Variants in GABRA3 observed in about 807,000 individuals in gnomAD.
GABRA3 encodes gamma-aminobutyric acid receptor subunit alpha-3.
Under a neutral mutation model 30.1 loss-of-function variants are expected in GABRA3, and 10 were observed. The observed-to-expected ratio is 0.33, with a 90% CI of 0.20 to 0.56. The LOEUF is 0.56. Among genes scored for constraint, GABRA3 ranks in the 20% least tolerant of loss-of-function variants. The pLI, the probability that GABRA3 is intolerant of heterozygous loss-of-function variation, is 0.89. For synonymous variants in GABRA3, 151 were observed against 146.8 expected (o/e 1.03, Z -0.21); for missense variants, 233 against 392.0 (o/e 0.59, Z 3.42).
At chrX:152,182,621 A>AGT (rs377167392) in intron 9 of GABRA3, among the ~76,000 whole-genome samples, 165 of 5,053 alleles carry the variant, frequency 0.033, 2 homozygotes, top group South Asian at 0.09. Context: ...ATGCATATAT[A>AGT]GTATATATAC....
At chrX:152,414,041 G>C (rs1042837159) in intron 1 of GABRA3, among the ~76,000 whole-genome samples, 1 of 111,144 alleles carries the variant, frequency 9.0e-6, no homozygotes, top group Non-Finnish European at 1.9e-5. Context: ...ATATTAAATG[G>C]TAAAAGCACT....
chrX:152,376,043 T>C (rs371533721), intron 1 of GABRA3, among the ~76,000 whole-genome samples: 1 of 112,102 alleles, frequency 8.9e-6, no homozygotes, highest in Non-Finnish European at 1.9e-5. Flanking sequence ...ATTAGAGCTG[T>C]CCTCAGGTTG....
intron 7 of GABRA3, among the ~76,000 whole-genome samples, chrX:152,205,589 T>C (rs1022187901): frequency 8.9e-6 from 1 of 111,931 alleles, no homozygotes; most frequent in African/African-American, 3.2e-5. Context: ...TTATCATCAT[T>C]GTCAACTATG....
In GABRA3 at chrX:152,195,649, G is replaced by A. The variant is rs1183238967; in HGVS notation, c.931+1984C>T. Among the ~76,000 whole-genome samples the A allele has an allele frequency of 2.7e-5, 3 of 111,538 alleles. No homozygotes were observed. The East Asian group carries it at 8.6e-4, about 32-fold the overall frequency. On this transcript the variant is annotated intron_variant, in intron 8 of 9. Transcript: ENST00000370314. ...TTCTTCAAATCCGACAGCAGAGCAT[G>A]TTCAAATCTTTCCTCCTTCTGTCAT...
chrX:152,224,463 G>T (rs1028691708), intron 6 of GABRA3, among the ~76,000 whole-genome samples: 2 of 111,749 alleles, frequency 1.8e-5, no homozygotes, highest in African/African-American at 6.5e-5. Context: ...CTTCTGTCTT[G>T]CTCTGTCCTT....
intron 1 of GABRA3, among the ~76,000 whole-genome samples, chrX:152,437,121 A>C (rs1044071398): frequency 9.0e-6 from 1 of 111,635 alleles, no homozygotes; most frequent in Non-Finnish European, 1.9e-5. Context: ...GAAAATGCAA[A>C]TTAAACCACA....
intron 1 of GABRA3, among the ~76,000 whole-genome samples, chrX:152,425,106 GT>G (rs368005885): frequency 3.1e-4 from 30 of 97,023 alleles, no homozygotes; most frequent in South Asian, 9.7e-4. Flanking sequence ...CTCAGCTAAG[GT>G]TTTTTTTTTT....
chrX:152,346,845 T>C (rs995733122), intron 2 of GABRA3, among the ~76,000 whole-genome samples: 8 of 111,235 alleles, frequency 7.2e-5, no homozygotes, highest in African/African-American at 2.0e-4. Context: ...AAATAACAAA[T>C]GCTGATGAGA....
At chrX:152,191,979 C>T (rs956878082) in intron 8 of GABRA3, among the ~76,000 whole-genome samples, 1 of 112,143 alleles carries the variant, frequency 8.9e-6, no homozygotes, top group African/African-American at 3.2e-5. Flanking sequence ...CAAGTAGTTA[C>T]TTAATGGGAG....
At chrX:152,340,228 A>G (rs1289250109) in intron 3 of GABRA3, among the ~76,000 whole-genome samples, 1 of 112,246 alleles carries the variant, frequency 8.9e-6, no homozygotes, top group Non-Finnish European at 1.9e-5. Flanking sequence ...CCTACAGGTA[A>G]TATTATCTCA....
At chrX:152,299,275 GAAGA>G (rs1485846538) in intron 3 of GABRA3, among the ~76,000 whole-genome samples, 3 of 112,008 alleles carry the variant, frequency 2.7e-5, no homozygotes, top group African/African-American at 9.7e-5. Context: ...GTATGAAAGG[GAAGA>G]CTGGAAGCAG....
intron 5 of GABRA3, among the ~76,000 whole-genome samples, chrX:152,236,101 G>A (rs1304601037): frequency 4.5e-5 from 4 of 89,124 alleles, no homozygotes; most frequent in East Asian, 3.7e-4. Flanking sequence ...CCACTAACTC[G>A]TCATCTAGCA....
chrX:152,219,207 T>A (rs1468869806), intron 6 of GABRA3, among the ~76,000 whole-genome samples: 1 of 111,446 alleles, frequency 9.0e-6, no homozygotes, highest in Non-Finnish European at 1.9e-5. Context: ...TGATCTCATC[T>A]AGTTGTATGG....
At chrX:152,218,215 T>G (rs934801002) in intron 6 of GABRA3, among the ~76,000 whole-genome samples, 13 of 110,521 alleles carry the variant, frequency 1.2e-4, no homozygotes, top group African/African-American at 3.9e-4. Flanking sequence ...GATTTTTTAT[T>G]TGGATCATTG....
intron 2 of GABRA3, among the ~76,000 whole-genome samples, chrX:152,357,054 T>C: frequency 8.9e-6 from 1 of 112,100 alleles, no homozygotes; most frequent in Non-Finnish European, 1.9e-5. Context: ...AATGAACATA[T>C]GCATACATGT....
At chrX:152,250,219 T>G (rs1407848134) in intron 5 of GABRA3, among the ~76,000 whole-genome samples, 1 of 111,105 alleles carries the variant, frequency 9.0e-6, no homozygotes, top group Non-Finnish European at 1.9e-5. Flanking sequence ...ATTTTGCACC[T>G]CCATTTCAGG....
At chrX:152,223,086 G>A (rs921620221) in intron 6 of GABRA3, among the ~76,000 whole-genome samples, 2 of 111,417 alleles carry the variant, frequency 1.8e-5, no homozygotes, top group African/African-American at 3.3e-5. Context: ...CCACCAGTAT[G>A]AGCCCTATGC....
chrX:152,268,740 G>C (rs982561311), intron 4 of GABRA3, among the ~76,000 whole-genome samples: 2 of 111,033 alleles, frequency 1.8e-5, no homozygotes, highest in African/African-American at 3.3e-5. Context: ...GCTAATTTTT[G>C]TACTTTTTGT....
At chrX:152,201,381 C>T (rs1027795299) in intron 7 of GABRA3, among the ~76,000 whole-genome samples, 1 of 111,926 alleles carries the variant, frequency 8.9e-6, no homozygotes, top group African/African-American at 3.2e-5. Flanking sequence ...ACACACAATG[C>T]ATATGTATTC....
Sources: allele counts gnomAD v4.1 joint callset (sites outside exome capture counted in the v4.1 genomes callset), GRCh38; gene constraint gnomAD v4.1.1; transcripts MANE v1.5; gene names NCBI Gene and HGNC (gene_info 2026-07-23, HGNC 2026-07-21).